The following IQGAP2 variants were observed in gnomAD, a reference collection of about 807,000 sequenced individuals.
IQGAP2 encodes the protein ras GTPase-activating-like protein IQGAP2.
In IQGAP2, 173 loss-of-function variants were observed where a neutral mutation model predicts 201.3. That is an observed-to-expected ratio of 0.86 (90% CI 0.76 to 0.98). IQGAP2 has a LOEUF of 0.98. Among genes scored for constraint, IQGAP2 ranks in the 50% least tolerant of loss-of-function variants. IQGAP2 has a pLI of 0.00. For missense variants in IQGAP2, 1,687 were observed against 1,864.8 expected (o/e 0.90, Z 1.76); for synonymous variants, 675 against 673.9 (o/e 1.00, Z -0.03).
At chr5:76,553,505 G>A (rs1200729803) in intron 2 of IQGAP2, among the ~76,000 whole-genome samples, 2 of 152,198 alleles carry the variant, frequency 1.3e-5, no homozygotes, top group Non-Finnish European at 2.9e-5. Context: ...TAACAACTCA[G>A]ATAGCAAATG....
At chr5:76,579,679 G>A (rs1288701925) in intron 5 of IQGAP2, among the ~76,000 whole-genome samples, 1 of 151,204 alleles carries the variant, frequency 6.6e-6, no homozygotes, top group Non-Finnish European at 1.5e-5. Flanking sequence ...TTTTTAATTA[G>A]TTGGGCTTTC....
intron 1 of IQGAP2, among the ~76,000 whole-genome samples, chr5:76,427,063 C>A (rs1408063652): frequency 6.6e-6 from 1 of 152,056 alleles, no homozygotes. Flanking sequence ...GGTTTCTCAG[C>A]CTCAGCACTG....
At chr5:76,463,282 G>A (rs756061762) in intron 2 of IQGAP2, among the ~76,000 whole-genome samples, 2 of 152,018 alleles carry the variant, frequency 1.3e-5, no homozygotes, top group African/African-American at 2.4e-5. Context: ...AGTGGGAAGG[G>A]GTGTCATGTA....
At chr5:76,586,827 A>C (rs539980714) in intron 5 of IQGAP2, among the ~76,000 whole-genome samples, 1 of 152,346 alleles carries the variant, frequency 6.6e-6, no homozygotes, top group Admixed American at 6.5e-5. Context: ...TTAGTTGTCC[A>C]TACAACCATC....
chr5:76,537,159 A>G (rs1241751769), intron 2 of IQGAP2, among the ~76,000 whole-genome samples: 3 of 152,248 alleles, frequency 2.0e-5, no homozygotes, highest in East Asian at 1.9e-4. Flanking sequence ...GCAGTTTTCA[A>G]TGACTCAGAG....
intron 2 of IQGAP2, among the ~76,000 whole-genome samples, chr5:76,556,536 A>G (rs1414631412): frequency 6.6e-6 from 1 of 152,124 alleles, no homozygotes; most frequent in Non-Finnish European, 1.5e-5. Flanking sequence ...TAACTCCTAT[A>G]TCCCTATCTG....
intron 2 of IQGAP2, among the ~76,000 whole-genome samples, chr5:76,559,150 C>T (rs1744157896): frequency 6.6e-6 from 1 of 152,200 alleles, no homozygotes; most frequent in Non-Finnish European, 1.5e-5. Flanking sequence ...ATCCGCCCGC[C>T]TCAGCCTCCC....
intron 13 of IQGAP2, among the ~76,000 whole-genome samples, chr5:76,623,681 G>A (rs987384112): frequency 2.0e-5 from 3 of 152,228 alleles, no homozygotes; most frequent in Non-Finnish European, 2.9e-5. Flanking sequence ...GTTCCAGAGT[G>A]TAATTTCTAC....
At chr5:76,604,721 G>A (rs950764990) in intron 11 of IQGAP2, among the ~76,000 whole-genome samples, 7 of 152,154 alleles carry the variant, frequency 4.6e-5, no homozygotes, top group African/African-American at 7.2e-5. Context: ...GCAAGTTACC[G>A]ATAATCCAAA....
At position 76,682,056 on chromosome 5, in the gene IQGAP2, A is replaced by G. The variant is rs577180445; in HGVS notation, c.3661-1059A>G. ...TATTTGTGGTTTCTAGGGGATAGAA[A>G]GAAGAGATAATGGAGAGTGACTGCC... is the stretch of plus-strand genomic sequence containing the variant. On this transcript the variant is annotated intron_variant, in intron 28 of 35. Coordinates refer to ENST00000274364, the MANE Select transcript of IQGAP2 (RefSeq NM_006633.5). 4.6e-4 allele frequency among the ~76,000 whole-genome samples: 70 copies of G among 152,312 alleles called. 1 individual carries two copies. The highest frequency in any genetic ancestry group is 1.7e-3 in the African/African-American group (70 of 41,560).
chr5:76,429,677 C>T lies in IQGAP2; in HGVS notation c.46+26086C>T, dbSNP rs1045098035. ...ATATGTTAAAATTAGTTAACATTCC[C>T]ATCACCTTGATGAAGGGTGTTAAAG... On this transcript the variant is annotated intron_variant, in intron 1 of 35. Transcript: ENST00000274364. 2.7e-5 allele frequency among the ~76,000 whole-genome samples: 4 copies of T among 147,892 alleles called. No homozygotes were observed. The Admixed American group carries it at 2.7e-4, about 10-fold the overall frequency.
intron 2 of IQGAP2, among the ~76,000 whole-genome samples, chr5:76,550,512 G>A (rs1743384010): frequency 6.6e-6 from 1 of 152,072 alleles, no homozygotes; most frequent in Non-Finnish European, 1.5e-5. Flanking sequence ...CTTCCGCAGT[G>A]TTTGTGTCCC....
chr5:76,423,295 G>A (rs1409298235), intron 1 of IQGAP2, among the ~76,000 whole-genome samples: 1 of 152,118 alleles, frequency 6.6e-6, no homozygotes, highest in African/African-American at 2.4e-5. Context: ...GCTGGTACCT[G>A]CTATTAAAAT....
intron 17 of IQGAP2, among the ~76,000 whole-genome samples, chr5:76,641,905 A>G: frequency 6.6e-6 from 1 of 152,176 alleles, no homozygotes; most frequent in African/African-American, 2.4e-5. Flanking sequence ...TGCTTTTCCC[A>G]CCTAACTGTA....
At chr5:76,557,928 T>C (rs890888119) in intron 2 of IQGAP2, among the ~76,000 whole-genome samples, 2 of 152,134 alleles carry the variant, frequency 1.3e-5, no homozygotes, top group Non-Finnish European at 2.9e-5. Flanking sequence ...TGCCTCAGCC[T>C]CCTGAGTAGC....
chr5:76,508,546 A>G (rs1355395426), intron 2 of IQGAP2, among the ~76,000 whole-genome samples: 2 of 152,048 alleles, frequency 1.3e-5, no homozygotes, highest in African/African-American at 4.8e-5. Flanking sequence ...AAGTATTAGA[A>G]TTTAATAAAG....
chr5:76,508,517 C>G (rs1462591221), intron 2 of IQGAP2, among the ~76,000 whole-genome samples: 5 of 151,828 alleles, frequency 3.3e-5, no homozygotes, highest in Non-Finnish European at 5.9e-5. Flanking sequence ...TTCCAGAACC[C>G]CTCTGAAAAC....
At chr5:76,579,465 C>T (rs1021710588) in intron 5 of IQGAP2, among the ~76,000 whole-genome samples, 6 of 151,576 alleles carry the variant, frequency 4.0e-5, no homozygotes, top group Non-Finnish European at 8.8e-5. Context: ...AAAATCAGAC[C>T]GCATTTAAGT....
intron 26 of IQGAP2, 138 bp downstream of exon 26, chr5:76,674,174 C>G (rs1228462643): frequency 4.8e-6 from 3 of 628,904 alleles, no homozygotes; most frequent in Middle Eastern, 2.9e-4. Flanking sequence ...TAATGACTCT[C>G]AAGATAATTG....
Sources: allele counts gnomAD v4.1 joint callset (sites outside exome capture counted in the v4.1 genomes callset), GRCh38; gene constraint gnomAD v4.1.1; transcripts MANE v1.5; gene names NCBI Gene and HGNC (gene_info 2026-07-23, HGNC 2026-07-21).